The following ACTR3C variants were observed in gnomAD, a reference collection of about 807,000 sequenced individuals.
ACTR3C encodes actin-related protein 3C.
ACTR3C carries 18 observed loss-of-function variants against 26.3 expected under a neutral mutation model. That is an observed-to-expected ratio of 0.68 (90% CI 0.47 to 1.01). ACTR3C has a LOEUF of 1.01. Among genes scored for constraint, ACTR3C ranks in the 50% least tolerant of loss-of-function variants. ACTR3C has a pLI of 0.00. For missense variants in ACTR3C, 184 were observed against 250.7 expected, an observed-to-expected ratio of 0.73 and a Z score of 1.80; for synonymous variants, 55 against 94.5, an observed-to-expected ratio of 0.58 and a Z score of 2.42.
At chr7:150,267,356 C>T (rs1486162407) in intron 6 of ACTR3C, among the ~76,000 whole-genome samples, 3 of 152,166 alleles carry the variant, frequency 2.0e-5, no homozygotes, top group Admixed American at 6.5e-5. Context: ...AACTGCACAC[C>T]ATTCTGAGAA....
chr7:150,008,739 A>C, the ACTR3C span, among the ~76,000 whole-genome samples: 1 of 151,100 alleles, frequency 6.6e-6, no homozygotes, highest in Non-Finnish European at 1.5e-5. Context: ...GCTGCTATCA[A>C]GTCCCATACC....
chr7:150,323,023 AG>A (rs1797716818), intron 1 of ACTR3C: 1 of 152,448 alleles, frequency 6.6e-6, no homozygotes, highest in Non-Finnish European at 1.5e-5. Context: ...CGAGTCCGGG[AG>A]GAAATCTAGG....
At position 150,253,494 on chromosome 7, in the gene ACTR3C, G is replaced by A. The variant is rs867969331; in HGVS notation, c.565-4440C>T. On this transcript the variant is annotated intron_variant, in intron 6 of 7. Transcript: ENST00000683684. Reference sequence around the variant, plus strand: ...ATACCTTTAATCTGATTGTAGTAAAGTTTTGCTGTAACCTGAGATCCCTTT... The same window carrying A: ...ATACCTTTAATCTGATTGTAGTAAAATTTTGCTGTAACCTGAGATCCCTTT... Among the ~76,000 whole-genome samples, 10 of 152,248 alleles carry A rather than the reference G, an allele frequency of 6.6e-5. No homozygotes were observed. The South Asian group carries it at 1.2e-3, about 19-fold the overall frequency.
the ACTR3C span, among the ~76,000 whole-genome samples, chr7:150,021,402 G>A: frequency 6.6e-6 from 1 of 151,234 alleles, no homozygotes; most frequent in Non-Finnish European, 1.5e-5. Flanking sequence ...AAAATAAGGA[G>A]GTGTAGGTTC....
At chr7:150,119,778 T>C in the ACTR3C span, among the ~76,000 whole-genome samples, 3 of 152,212 alleles carry the variant, frequency 2.0e-5, no homozygotes, top group African/African-American at 7.2e-5. Context: ...CAACAGAATA[T>C]ACATTCTTCT....
the ACTR3C span, among the ~76,000 whole-genome samples, chr7:150,229,528 A>C: frequency 6.6e-6 from 1 of 152,090 alleles, no homozygotes; most frequent in Non-Finnish European, 1.5e-5. Context: ...TCTGTCACCC[A>C]GGCTGGAGTG....
At chr7:150,086,854 T>C in the ACTR3C span, among the ~76,000 whole-genome samples, 4 of 152,288 alleles carry the variant, frequency 2.6e-5, no homozygotes, top group African/African-American at 9.6e-5. Context: ...CTGTCCCTTG[T>C]ACACTCCTAG....
the ACTR3C span, among the ~76,000 whole-genome samples, chr7:150,015,700 AC>A: frequency 6.6e-6 from 1 of 152,110 alleles, no homozygotes; most frequent in South Asian, 2.1e-4. Flanking sequence ...CATGAATCCC[AC>A]CACGGATCAT....
At chr7:149,923,138 A>T in the ACTR3C span, among the ~76,000 whole-genome samples, 2 of 151,204 alleles carry the variant, frequency 1.3e-5, no homozygotes, top group African/African-American at 4.9e-5. Flanking sequence ...ACAAAAATAC[A>T]GTCTGCCCTA....
the ACTR3C span, among the ~76,000 whole-genome samples, chr7:149,969,753 C>T: frequency 6.6e-6 from 1 of 152,100 alleles, no homozygotes; most frequent in African/African-American, 2.4e-5. Flanking sequence ...ATAAAATGCC[C>T]AAACCATATC....
chr7:150,074,087 C>G, the ACTR3C span: 4 of 152,194 alleles, frequency 2.6e-5, no homozygotes, highest in Non-Finnish European at 5.9e-5. Flanking sequence ...TGAGTTGGTA[C>G]AGACCTTCAC....
chr7:150,151,855 TG>T, the ACTR3C span, among the ~76,000 whole-genome samples: 1 of 137,892 alleles, frequency 7.3e-6, no homozygotes, highest in Non-Finnish European at 1.6e-5. Context: ...ATTGTGCACA[TG>T]TACCCTAAAA....
At chr7:150,056,501 T>C in the ACTR3C span, among the ~76,000 whole-genome samples, 1 of 152,178 alleles carries the variant, frequency 6.6e-6, no homozygotes, top group African/African-American at 2.4e-5. Context: ...TCATAATAAT[T>C]TGGTAATCAA....
At chr7:150,040,040 G>GCCA in the ACTR3C span, among the ~76,000 whole-genome samples, 1 of 141,672 alleles carries the variant, frequency 7.1e-6, no homozygotes, top group African/African-American at 2.7e-5. Flanking sequence ...TTGGCTCTGA[G>GCCA]TCCCCGCCTC....
the ACTR3C span, among the ~76,000 whole-genome samples, chr7:150,034,990 C>T: frequency 4.9e-4 from 67 of 137,948 alleles, no homozygotes; most frequent in South Asian, 9.4e-4. Flanking sequence ...GGTGCCTCCC[C>T]CTCCTGTGAT....
At chr7:150,161,360 C>T in the ACTR3C span, among the ~76,000 whole-genome samples, 2,215 of 151,354 alleles carry the variant, frequency 0.015, 52 homozygotes, top group African/African-American at 0.051. Flanking sequence ...GCTATCCCTC[C>T]GCCAGTCCCC....
rs78431468 is a variant in ACTR3C, at chr7:150,315,815, A to G, written c.-52+7654T>C. On this transcript the variant is annotated intron_variant, in intron 1 of 7. Transcript: ENST00000683684. The stretch of plus-strand genomic sequence containing the variant: ...TTTTAATAAAAACACAGACACAAAC[A>G]CTCCCAACACTATACTTTTTTTTTT... 8.0e-3 allele frequency among the ~76,000 whole-genome samples: 1,185 copies of G among 147,664 alleles called. 21 individuals are homozygous for G. The highest frequency in any genetic ancestry group is 0.027 in the African/African-American group (1,093 of 40,222).
chr7:150,132,256 T>G, the ACTR3C span, among the ~76,000 whole-genome samples: 29 of 152,358 alleles, frequency 1.9e-4, 1 homozygote, highest in East Asian at 5.2e-3. Context: ...GTTTCTCTTT[T>G]GAGGTGATAA....
the ACTR3C span, among the ~76,000 whole-genome samples, chr7:150,025,076 A>G: frequency 2.0e-5 from 3 of 150,892 alleles, no homozygotes; most frequent in Admixed American, 6.6e-5. Flanking sequence ...AGCCTTTCTC[A>G]TGAAAATCCT....
Sources: allele counts gnomAD v4.1 joint callset (sites outside exome capture counted in the v4.1 genomes callset), GRCh38; gene constraint gnomAD v4.1.1; transcripts MANE v1.5; gene names NCBI Gene and HGNC (gene_info 2026-07-23, HGNC 2026-07-21).